Variants in ZNF248 observed in about 807,000 individuals in gnomAD.
ZNF248 encodes zinc finger protein 248.
Under a neutral mutation model 44.3 loss-of-function variants are expected in ZNF248, and 20 were observed. The observed-to-expected ratio is 0.45, with a 90% CI of 0.32 to 0.66. The LOEUF is 0.66. ZNF248 is among the 30% of genes least tolerant of loss of function. ZNF248 has a pLI of 0.04. For synonymous variants in ZNF248, 224 were observed against 229.0 expected (o/e 0.98, Z 0.20); for missense variants, 654 against 677.0 (o/e 0.97, Z 0.38).
Position 37,820,178 on chromosome 10 carries a change from G to A in ZNF248, c.330+12847C>T, listed in dbSNP as rs1195758631. The A allele has an allele frequency of 4.1e-6, 5 of 1,220,444 alleles. No homozygotes were observed. In the African/African-American group the frequency reaches 7.4e-5, roughly 18 times the overall value. 75.6% of individuals were successfully genotyped at this position (1,220,444 alleles called of 1,614,324 possible). ...TCCTTCTTAAGTCAGAATTCTTACT[G>A]TTTTCTAGTGCAGATATTTTTTATA... On this transcript the variant is annotated intron_variant, in intron 6 of 6. Coordinates refer to the ZNF248 transcript ENST00000615949.
intron 6 of ZNF248, among the ~76,000 whole-genome samples, chr10:37,814,260 CAT>C (rs34971034): frequency 0.06 from 9,108 of 152,148 alleles, 351 homozygotes; most frequent in Middle Eastern, 0.095. Flanking sequence ...ACCTCAATAA[CAT>C]ACAAAAAACT....
At chr10:37,808,606 G>A (rs1026858636) in intron 6 of ZNF248, among the ~76,000 whole-genome samples, 4 of 152,074 alleles carry the variant, frequency 2.6e-5, no homozygotes, top group Admixed American at 2.6e-4. Flanking sequence ...TTTTCAACAT[G>A]TTCCTGAACT....
chr10:37,790,270 CA>C (rs35082361), intron 6 of ZNF248, among the ~76,000 whole-genome samples: 1,076 of 91,002 alleles, frequency 0.012, 10 homozygotes, highest in South Asian at 0.083. Context: ...GACTCTGTGT[CA>C]AAAAAAAAAA....
At chr10:37,777,276 A>T (rs2046682652) in intron 6 of ZNF248, among the ~76,000 whole-genome samples, 2 of 152,168 alleles carry the variant, frequency 1.3e-5, no homozygotes, top group African/African-American at 4.8e-5. Context: ...AAAACAGCTG[A>T]ACTTCACCAG....
chr10:37,853,911 A>G (rs985564350), intron 3 of ZNF248, among the ~76,000 whole-genome samples: 4 of 152,320 alleles, frequency 2.6e-5, no homozygotes, highest in Admixed American at 2.6e-4. Flanking sequence ...AAGAAAAAGC[A>G]CAGTAAAGGG....
intron 6 of ZNF248, among the ~76,000 whole-genome samples, chr10:37,778,002 G>A (rs1338439263): frequency 6.6e-6 from 1 of 151,972 alleles, no homozygotes; most frequent in Non-Finnish European, 1.5e-5. Flanking sequence ...ACATACGTGT[G>A]CATGTGTCTT....
intron 6 of ZNF248, among the ~76,000 whole-genome samples, chr10:37,810,762 T>G (rs1172633170): frequency 6.6e-6 from 1 of 152,182 alleles, no homozygotes; most frequent in Non-Finnish European, 1.5e-5. Flanking sequence ...AAATAAAGAC[T>G]GTACATGGTA....
chr10:37,763,640 G>T, the ZNF248 span, among the ~76,000 whole-genome samples: 2 of 152,176 alleles, frequency 1.3e-5, no homozygotes, highest in Admixed American at 1.3e-4. Context: ...TAATGTTTGA[G>T]TTTGATTCTG....
chr10:37,798,115 G>A (rs1411660443), intron 6 of ZNF248, among the ~76,000 whole-genome samples: 1 of 152,088 alleles, frequency 6.6e-6, no homozygotes, highest in African/African-American at 2.4e-5. Flanking sequence ...TCTGTACAAT[G>A]TAATACAACA....
chr10:37,815,991 G>GAAAAAA (rs71007668), intron 6 of ZNF248, among the ~76,000 whole-genome samples: 1 of 130,146 alleles, frequency 7.7e-6, no homozygotes, highest in Non-Finnish European at 1.6e-5. Flanking sequence ...TCCGATAATG[G>GAAAAAA]AAAAAAAAAA....
chr10:37,805,613 C>T (rs989182365), intron 6 of ZNF248, among the ~76,000 whole-genome samples: 9 of 152,128 alleles, frequency 5.9e-5, no homozygotes, highest in East Asian at 1.9e-4. Context: ...AATCGCTGTT[C>T]GCTCAAATAA....
chr10:37,768,528 A>G, the ZNF248 span, among the ~76,000 whole-genome samples: 2 of 152,228 alleles, frequency 1.3e-5, no homozygotes, highest in Non-Finnish European at 2.9e-5. Flanking sequence ...ACTACTGGGT[A>G]CATAACGAGA....
intron 6 of ZNF248, among the ~76,000 whole-genome samples, chr10:37,813,321 AAAC>A (rs2051859924): frequency 6.6e-6 from 1 of 152,244 alleles, no homozygotes; most frequent in Non-Finnish European, 1.5e-5. Context: ...AAATCAAAAC[AAAC>A]AATAGGACTG....
intron 3 of ZNF248, among the ~76,000 whole-genome samples, chr10:37,852,472 T>C (rs1488011154): frequency 1.3e-5 from 2 of 151,714 alleles, no homozygotes; most frequent in African/African-American, 4.8e-5. Context: ...GGAGTAGGGG[T>C]TGGCTGGGGT....
intron 3 of ZNF248, among the ~76,000 whole-genome samples, chr10:37,849,004 G>C (rs1401049326): frequency 1.3e-5 from 2 of 152,146 alleles, no homozygotes; most frequent in Non-Finnish European, 2.9e-5. Context: ...TGAATGCTAA[G>C]AAACCAAATC....
chr10:37,836,738 G>C (rs1248558971), intron 5 of ZNF248, among the ~76,000 whole-genome samples: 2 of 150,110 alleles, frequency 1.3e-5, no homozygotes, highest in Non-Finnish European at 3.0e-5. Flanking sequence ...ATATGCACAT[G>C]GGTGTGTACA....
intron 6 of ZNF248, among the ~76,000 whole-genome samples, chr10:37,813,984 T>C (rs2052000176): frequency 6.6e-6 from 1 of 152,222 alleles, no homozygotes; most frequent in Non-Finnish European, 1.5e-5. Flanking sequence ...CATTCTGATT[T>C]TGATTGAAGA....
chr10:37,763,252 G>A, the ZNF248 span, among the ~76,000 whole-genome samples: 1 of 152,224 alleles, frequency 6.6e-6, no homozygotes, highest in African/African-American at 2.4e-5. Flanking sequence ...AGAAAGAGGG[G>A]ATGATTGTCG....
chr10:37,820,554 T>A, intron 6 of ZNF248: 2 of 1,601,438 alleles, frequency 1.2e-6, no homozygotes, highest in Non-Finnish European at 1.7e-6. Flanking sequence ...CCAGGGCTGG[T>A]CCCTGGCCCG....
Sources: allele counts gnomAD v4.1 joint callset (sites outside exome capture counted in the v4.1 genomes callset), GRCh38; gene constraint gnomAD v4.1.1; transcripts MANE v1.5; gene names NCBI Gene and HGNC (gene_info 2026-07-23, HGNC 2026-07-21).